Variants in B3GLCT observed in about 807,000 individuals in gnomAD.
B3GLCT encodes beta-1,3-glucosyltransferase.
Under a neutral mutation model 63.4 loss-of-function variants are expected in B3GLCT, and 65 were observed. The observed-to-expected ratio is 1.03, with a 90% CI of 0.84 to 1.26. The LOEUF (loss-of-function observed/expected upper bound fraction) is 1.26, where lower values mean the gene tolerates loss of function less well. Among genes scored for constraint, B3GLCT ranks in the 50% most tolerant of loss-of-function variants. The pLI is 0.00. For missense variants in B3GLCT, 577 were observed against 604.8 expected (o/e 0.95, Z 0.48); for synonymous variants, 233 against 219.2 (o/e 1.06, Z -0.55).
In B3GLCT at chr13:31,217,552, G is replaced by A. The variant is rs544478446; in HGVS notation, c.120+2452G>A. On this transcript the variant is annotated intron_variant, in intron 2 of 14. Transcript: ENST00000343307. Reference sequence around the variant, plus strand: ...CAGATGGTATTTCCTATGTTTTCTTGTAGGGCTTTTATAGTTTTAGGTTTT... The same window carrying A: ...CAGATGGTATTTCCTATGTTTTCTTATAGGGCTTTTATAGTTTTAGGTTTT... Among the ~76,000 whole-genome samples, 87 of 152,186 alleles carry A rather than the reference G, an allele frequency of 5.7e-4. 1 individual carries two copies. Among genetic ancestry groups the A allele is most frequent in the African/African-American group, 1.9e-3 (79 of 41,530 alleles).
chr13:31,283,752 A>G (rs901253715), intron 10 of B3GLCT, among the ~76,000 whole-genome samples: 1 of 152,172 alleles, frequency 6.6e-6, no homozygotes, highest in Admixed American at 6.5e-5. Flanking sequence ...ATATATTTCT[A>G]TTAGAGTTGG....
At chr13:31,277,566 T>C (rs1251784261) in intron 10 of B3GLCT, among the ~76,000 whole-genome samples, 1 of 152,202 alleles carries the variant, frequency 6.6e-6, no homozygotes, top group African/African-American at 2.4e-5. Flanking sequence ...AAGGATGTGG[T>C]ATTTATGTAG....
At chr13:31,274,444 T>G in intron 8 of B3GLCT, 65 bp from the exon 9 acceptor site, 1 of 1,602,978 alleles carries the variant, frequency 6.2e-7, no homozygotes, top group South Asian at 1.1e-5. Flanking sequence ...TGAGATATTT[T>G]GTCCCTTCTT....
chr13:31,223,030 G>A, intron 3 of B3GLCT, 39 bp downstream of exon 3: 1 of 1,261,710 alleles, frequency 7.9e-7, no homozygotes, highest in Admixed American at 1.7e-5. Context: ...TGTGTACTTA[G>A]GTATATTTTG....
At position 31,205,531 on chromosome 13, in the gene B3GLCT, C is replaced by A. The variant is rs138816942; in HGVS notation, c.70+5377C>A. Among the ~76,000 whole-genome samples the A allele has an allele frequency of 2.0e-3, 300 of 152,122 alleles. 2 individuals are homozygous for A. The highest frequency in any genetic ancestry group is 6.9e-3 in the African/African-American group (286 of 41,502). On this transcript the variant is annotated intron_variant, in intron 1 of 14. Transcript: ENST00000343307. ...CAAAGATTGCACCACTGCACTTCAG[C>A]CTGGGTGACAGAGTGAGACTCCGTC...
intron 6 of B3GLCT, among the ~76,000 whole-genome samples, chr13:31,249,370 A>G (rs1176855811): frequency 2.0e-5 from 3 of 152,202 alleles, no homozygotes; most frequent in African/African-American, 7.2e-5. Context: ...AGAATTATGA[A>G]CCTGTCTCAT....
At chr13:31,270,226 T>C (rs1872522809) in intron 8 of B3GLCT, among the ~76,000 whole-genome samples, 1 of 152,218 alleles carries the variant, frequency 6.6e-6, no homozygotes, top group African/African-American at 2.4e-5. Flanking sequence ...CCTCTCATTC[T>C]CTGCAGGAAT....
At chr13:31,312,518 C>T (rs1044612158) in intron 12 of B3GLCT, 1 of 151,966 alleles carries the variant, frequency 6.6e-6, no homozygotes, top group East Asian at 1.9e-4. Flanking sequence ...AAATTTAGTA[C>T]AACAAGAATG....
At chr13:31,294,817 G>A (rs1394847023) in intron 12 of B3GLCT, among the ~76,000 whole-genome samples, 3 of 152,002 alleles carry the variant, frequency 2.0e-5, no homozygotes, top group East Asian at 1.9e-4. Context: ...CTGTCAGTTC[G>A]TCATACTCAT....
rs60546979 is a variant in B3GLCT at position 31,218,428 on chromosome 13, C to T, written c.120+3328C>T. Among the ~76,000 whole-genome samples the T allele has an allele frequency of 8.9e-4, 135 of 152,156 alleles. 1 individual carries two copies. The highest frequency in any genetic ancestry group is 6.8e-3 in the Middle Eastern group (2 of 294). On this transcript the variant is annotated intron_variant, in intron 2 of 14. Coordinates refer to ENST00000343307, the MANE Select transcript of B3GLCT (RefSeq NM_194318.4). ...CTCAGACTCCTGACCACCAGTGATCCGCCTGCCTCAGCCTCCCAAAGTGCT... is the reference window on the plus strand; with the variant it reads ...CTCAGACTCCTGACCACCAGTGATCTGCCTGCCTCAGCCTCCCAAAGTGCT...
chr13:31,278,238 C>G (rs1020078009), intron 10 of B3GLCT, among the ~76,000 whole-genome samples: 1 of 151,772 alleles, frequency 6.6e-6, no homozygotes, highest in African/African-American at 2.4e-5. Flanking sequence ...TAGGGACACT[C>G]CCTGTTGTAT....
intron 12 of B3GLCT, among the ~76,000 whole-genome samples, chr13:31,308,188 C>T (rs185574364): frequency 1.3e-4 from 5 of 39,338 alleles, no homozygotes; most frequent in African/African-American, 3.8e-4. Flanking sequence ...GTGGTGGGGT[C>T]GGGGGAGGGG....
At chr13:31,217,246 C>CT (rs753235093) in intron 2 of B3GLCT, among the ~76,000 whole-genome samples, 10 of 152,094 alleles carry the variant, frequency 6.6e-5, no homozygotes, top group Non-Finnish European at 1.0e-4. Context: ...TGTATGTCTT[C>CT]TTTTGAGAAG....
intron 6 of B3GLCT, among the ~76,000 whole-genome samples, chr13:31,257,325 A>G (rs929983909): frequency 6.6e-6 from 1 of 152,046 alleles, no homozygotes; most frequent in African/African-American, 2.4e-5. Flanking sequence ...TGATTTTCAT[A>G]TTGGTTAAGG....
intron 7 of B3GLCT, among the ~76,000 whole-genome samples, chr13:31,266,384 GA>G (rs1184216190): frequency 6.6e-6 from 1 of 152,160 alleles, no homozygotes; most frequent in African/African-American, 2.4e-5. Context: ...TCCAGGAACT[GA>G]ATATTTAATG....
At chr13:31,318,860 A>G (rs904922401) in intron 13 of B3GLCT, among the ~76,000 whole-genome samples, 1 of 152,184 alleles carries the variant, frequency 6.6e-6, no homozygotes, top group African/African-American at 2.4e-5. Context: ...TGGCGTTCAT[A>G]TAATATTTTT....
chr13:31,287,301 A>G (rs762462417), intron 12 of B3GLCT, among the ~76,000 whole-genome samples: 1 of 152,140 alleles, frequency 6.6e-6, no homozygotes, highest in Non-Finnish European at 1.5e-5. Context: ...ATGTGTGAGG[A>G]AACTACCCGA....
chr13:31,311,468 G>C (rs917676199), intron 12 of B3GLCT: 4 of 152,266 alleles, frequency 2.6e-5, no homozygotes, highest in Non-Finnish European at 5.9e-5. Context: ...TTGCTTTCCT[G>C]AGAGCAAGAG....
chr13:31,327,518 G>C lies in B3GLCT; in HGVS notation c.1330-1983G>C, dbSNP rs1474224394. Among the ~76,000 whole-genome samples the C allele has an allele frequency of 2.6e-5, 4 of 152,184 alleles. No individual in the cohort carries two copies. In the South Asian group the frequency reaches 6.2e-4, roughly 24 times the overall value. ...TGGAATTTTCCATTTAATATTTTCA[G>C]ACTAAAATTGACTGTGGGACACTGA... On this transcript the variant is annotated intron_variant, in intron 14 of 14. Coordinates refer to ENST00000343307, the MANE Select transcript of B3GLCT (RefSeq NM_194318.4).
Sources: allele counts gnomAD v4.1 joint callset (sites outside exome capture counted in the v4.1 genomes callset), GRCh38; gene constraint gnomAD v4.1.1; transcripts MANE v1.5; gene names NCBI Gene and HGNC (gene_info 2026-07-23, HGNC 2026-07-21).